Variants in ARID3C observed in about 807,000 individuals in gnomAD.
ARID3C encodes the protein AT-rich interactive domain-containing protein 3C.
ARID3C carries 42 observed loss-of-function variants against 37.9 expected under a neutral mutation model. The ratio of observed to expected loss-of-function variants is 1.11; its 90% confidence interval spans 0.87 to 1.43. The LOEUF is 1.43. Ranked by LOEUF, ARID3C falls within the 40% of genes most tolerant of loss-of-function variation. ARID3C has a pLI of 0.00. For missense variants in ARID3C, 581 were observed against 548.8 expected, an observed-to-expected ratio of 1.06 and a Z score of -0.59; for synonymous variants, 213 against 228.0, an observed-to-expected ratio of 0.93 and a Z score of 0.59.
At chr9:34,626,029 C>A (rs1820650289) in intron 1 of ARID3C, among the ~76,000 whole-genome samples, 1 of 152,174 alleles carries the variant, frequency 6.6e-6, no homozygotes. Context: ...GGTAGTGGTA[C>A]CCTGGGCCAT....
exon 1 of ARID3C, chr9:34,627,946 G>A: frequency 6.5e-7 from 1 of 1,550,120 alleles, no homozygotes; most frequent in South Asian, 1.2e-5. Context: ...GCAGCAGCGG[G>A]CATGCAGGGG....
upstream of ARID3C, among the ~76,000 whole-genome samples, chr9:34,628,562 T>G (rs1820689353): frequency 6.7e-6 from 1 of 149,132 alleles, no homozygotes; most frequent in Admixed American, 6.6e-5. The surrounding 1 kb of genome is among the most constrained non-coding windows in gnomAD (Gnocchi z 5.2). Flanking sequence ...GTAAGAGAGG[T>G]AGAGGAGCAA....
intron 2 of ARID3C, among the ~76,000 whole-genome samples, chr9:34,625,448 C>G (rs551766331): frequency 1.4e-4 from 22 of 152,294 alleles, no homozygotes; most frequent in South Asian, 4.1e-4. Context: ...GGACACAGAA[C>G]CAAGGCATTC....
At chr9:34,629,275 GC>G (rs1820701486), upstream of ARID3C, among the ~76,000 whole-genome samples, 1 of 152,230 alleles carries the variant, frequency 6.6e-6, no homozygotes, top group Non-Finnish European at 1.5e-5. Context: ...CCGGACCAGA[GC>G]CCCGCCCAGC....
At chr9:34,632,263 G>C (rs566620735), upstream of ARID3C, among the ~76,000 whole-genome samples, 2 of 152,324 alleles carry the variant, frequency 1.3e-5, no homozygotes, top group Admixed American at 6.5e-5. Flanking sequence ...ACCTAGGGAC[G>C]AGCACTACGG....
At chr9:34,621,926 T>C in intron 6 of ARID3C, 94 bp downstream of exon 7, 1 of 1,273,802 alleles carries the variant, frequency 7.9e-7, no homozygotes, top group East Asian at 2.3e-5. Flanking sequence ...TAGATATCCC[T>C]GAACTTCATG....
At chr9:34,625,156 A>G (rs1203831699) in intron 2 of ARID3C, among the ~76,000 whole-genome samples, 1 of 152,062 alleles carries the variant, frequency 6.6e-6, no homozygotes. Context: ...GAGAGAGATA[A>G]TGAGTCAGTG....
At chr9:34,622,660 T>G in intron 4 of ARID3C, 131 bp from the exon 6 acceptor site, 1 of 947,260 alleles carries the variant, frequency 1.1e-6, no homozygotes, top group Non-Finnish European at 1.5e-6. Flanking sequence ...TCGATCTATC[T>G]TCCCATCCAG....
At chr9:34,631,898 C>A (rs949412262), upstream of ARID3C, among the ~76,000 whole-genome samples, 3 of 152,216 alleles carry the variant, frequency 2.0e-5, no homozygotes, top group East Asian at 5.8e-4. Flanking sequence ...GGCAGGGGGC[C>A]TGTTCCCCCC....
intron 5 of ARID3C, 106 bp downstream of exon 6, chr9:34,622,241 T>A: frequency 6.4e-7 from 1 of 1,567,038 alleles, no homozygotes; most frequent in Non-Finnish European, 8.7e-7. Context: ...CACACAGTTG[T>A]CTACAGAGGA....
chr9:34,623,831 C>T, intron 3 of ARID3C, 33 bp downstream of exon 4: 2 of 1,539,122 alleles, frequency 1.3e-6, no homozygotes, highest in East Asian at 2.4e-5. Flanking sequence ...GAACCCGTGC[C>T]CCCTTCCCTT....
At chr9:34,624,966 G>A (rs1820634362) in intron 2 of ARID3C, among the ~76,000 whole-genome samples, 1 of 152,100 alleles carries the variant, frequency 6.6e-6, no homozygotes, top group African/African-American at 2.4e-5. Flanking sequence ...AAAGGACTTA[G>A]GTCCCTACTG....
Position 34,625,731 on chromosome 9 carries a change from A to C in ARID3C, c.391+11T>G, listed in dbSNP as rs1218166852. ...AATTCCAGGGCCCTTCCCCCACATCATGCCACTCACCCCTCTTTTGCATGA... is the reference window on the plus strand; with the variant it reads ...AATTCCAGGGCCCTTCCCCCACATCCTGCCACTCACCCCTCTTTTGCATGA... On this transcript the variant is annotated intron_variant, in intron 2 of 6. Coordinates refer to ENST00000378909, the Ensembl canonical transcript of ARID3C. The C allele has an allele frequency of 2.5e-6, 4 of 1,613,470 alleles. No individual in the cohort carries two copies. In the South Asian group the frequency reaches 4.4e-5, roughly 18 times the overall value.
chr9:34,627,446 C>T (rs941521416), intron 1 of ARID3C, among the ~76,000 whole-genome samples: 6 of 152,076 alleles, frequency 3.9e-5, no homozygotes, highest in Non-Finnish European at 5.9e-5. Context: ...AGTTCGAGAC[C>T]GGCCTGGGCA....
exon 4 of ARID3C, chr9:34,623,500 C>G (rs922574481): frequency 5.2e-6 from 8 of 1,549,974 alleles, no homozygotes; most frequent in Admixed American, 2.1e-5. Context: ...TGGGCTGGGC[C>G]AGGGCTGGAC....
chr9:34,623,875 A>G (rs1165120407), exon 3 of ARID3C: 1 of 1,596,834 alleles, frequency 6.3e-7, no homozygotes, highest in Non-Finnish European at 8.5e-7. Context: ...GGGTGCGTAG[A>G]GTGAAGGCGG....
intron 1 of ARID3C, among the ~76,000 whole-genome samples, chr9:34,626,371 T>C (rs938718637): frequency 2.0e-5 from 3 of 152,194 alleles, no homozygotes; most frequent in Middle Eastern, 6.8e-3. Context: ...CATCTTCTGG[T>C]CTGATTTCCT....
intron 2 of ARID3C, among the ~76,000 whole-genome samples, chr9:34,624,305 G>A (rs1319993060): frequency 6.6e-6 from 1 of 152,198 alleles, no homozygotes; most frequent in Non-Finnish European, 1.5e-5. Context: ...GCCTAAAGGC[G>A]GCCATAGAGA....
At chr9:34,631,763 G>A (rs1220899140), upstream of ARID3C, among the ~76,000 whole-genome samples, 1 of 152,214 alleles carries the variant, frequency 6.6e-6, no homozygotes, top group Admixed American at 6.5e-5. Context: ...CTGTGGGTCT[G>A]GATGGTTCTG....
Sources: allele counts gnomAD v4.1 joint callset (sites outside exome capture counted in the v4.1 genomes callset), GRCh38; gene constraint gnomAD v4.1.1; non-coding constraint Gnocchi (gnomAD v3.1); transcripts MANE v1.5; gene names NCBI Gene and HGNC (gene_info 2026-07-23, HGNC 2026-07-21).